PLCE1: variants seen among roughly 807,000 people sequenced by gnomAD.
The protein encoded by PLCE1 is 1-phosphatidylinositol 4,5-bisphosphate phosphodiesterase epsilon-1.
A neutral mutation model predicts 242.8 loss-of-function variants in PLCE1; 119 were observed. The observed-to-expected ratio is 0.49, with a 90% CI of 0.42 to 0.57. The LOEUF (loss-of-function observed/expected upper bound fraction) is 0.57. PLCE1 is among the 20% of genes least tolerant of loss of function. PLCE1 has a pLI of 0.00. For synonymous variants in PLCE1, 945 were observed against 1,017.4 expected (o/e 0.93, Z 1.35); for missense variants, 2,441 against 2,788.8 (o/e 0.88, Z 2.81).
At chr10:94,096,570 T>A (rs2045319849) in intron 2 of PLCE1, 1 of 152,126 alleles carries the variant, frequency 6.6e-6, no homozygotes, top group Non-Finnish European at 1.5e-5. Context: ...CCCCCGTGAT[T>A]CAATTACCTC....
chr10:94,105,387 A>G (rs2045690286), intron 2 of PLCE1: 1 of 152,232 alleles, frequency 6.6e-6, no homozygotes, highest in East Asian at 1.9e-4. Context: ...ATCTCAGACC[A>G]GAGATATCTC....
chr10:94,144,744 A>C (rs1016400761), intron 3 of PLCE1, among the ~76,000 whole-genome samples: 7 of 152,178 alleles, frequency 4.6e-5, no homozygotes, highest in African/African-American at 1.7e-4. Context: ...GAGTATGCCA[A>C]GTTTGAAGTC....
chr10:94,181,107 A>T (rs1006683023), intron 4 of PLCE1, among the ~76,000 whole-genome samples: 3 of 152,204 alleles, frequency 2.0e-5, no homozygotes, highest in Non-Finnish European at 4.4e-5. Context: ...GCACGCATGC[A>T]CTCATTCTTC....
At position 94,030,821 on chromosome 10, in the gene PLCE1, C is replaced by T. The variant is rs1377135682; in HGVS notation, c.-226C>T. 5 of 557,232 alleles carry T rather than the reference C, an allele frequency of 9.0e-6. No individual in the cohort carries two copies. Among genetic ancestry groups the T allele is most frequent in the Non-Finnish European group, 1.6e-5 (5 of 316,372 alleles). The allele number at this position is 557,232 out of a possible 1,614,324, so 34.5% of individuals were successfully genotyped here. A position where few individuals can be genotyped will look rare whatever the true frequency, so the allele number is the denominator to read the frequency against. ...AGAGGAAGGAAAATTGATCTACCAC[C>T]TTAAAACCCTGATCTAGAAAAAATA... On this transcript the variant is annotated 5_prime_UTR_variant, in exon 2 of 33. Coordinates refer to ENST00000371380, the MANE Select transcript of PLCE1 (RefSeq NM_016341.4).
chr10:94,232,737 C>G (rs1305776829), intron 5 of PLCE1, among the ~76,000 whole-genome samples: 1 of 152,204 alleles, frequency 6.6e-6, no homozygotes, highest in African/African-American at 2.4e-5. Context: ...CAAGACAGCT[C>G]AAGCCCCACC....
At chr10:94,283,517 T>G (rs939343793) in intron 20 of PLCE1, 3 of 354,652 alleles carry the variant, frequency 8.5e-6, no homozygotes, top group African/African-American at 6.4e-5. Context: ...TCATTTAGAT[T>G]ATGTCTATAT....
chr10:94,132,390 A>G lies in PLCE1; in HGVS notation c.1423A>G (p.Thr475Ala). 6.2e-7 allele frequency: 1 copy of G among 1,614,174 alleles called. No homozygotes were observed. The highest frequency in any genetic ancestry group is 8.5e-7 in the Non-Finnish European group (1 of 1,180,018). ...CACCGGTTCTCTCCTAGAAGCAACC[A>G]CGTCTTTGGGAGCAAGAAGTGGCCT... Reference protein sequence around the residue: ...YITGSLLEATTSLGARSGLLS... With the variant: ...YITGSLLEATASLGARSGLLS... The change falls in exon 3 of 33, where the codon ACG becomes GCG. Residue 475 changes from threonine (T) to alanine (A), a missense_variant. By Grantham distance (58) the Thr-to-Ala change is moderately conservative. This residue lies in a region of PLCE1 where 733 missense variants were observed against 754.2 expected (regional missense o/e 0.97). Coordinates refer to ENST00000371380, the MANE Select transcript of PLCE1 (RefSeq NM_016341.4).
intron 28 of PLCE1, among the ~76,000 whole-genome samples, chr10:94,314,064 T>TC (rs2053483722): frequency 6.6e-6 from 1 of 151,910 alleles, no homozygotes; most frequent in African/African-American, 2.4e-5. Context: ...CCGCCCTAGA[T>TC]CCCCCTCCGA....
intron 2 of PLCE1, among the ~76,000 whole-genome samples, chr10:94,068,391 T>C (rs933496975): frequency 1.5e-5 from 2 of 133,764 alleles, no homozygotes; most frequent in African/African-American, 7.2e-5. Flanking sequence ...GGGGGAAAAA[T>C]AACAATTCAA....
At chr10:94,242,377 C>T (rs982577983) in intron 7 of PLCE1, among the ~76,000 whole-genome samples, 20 of 152,002 alleles carry the variant, frequency 1.3e-4, no homozygotes, top group African/African-American at 4.8e-4. Flanking sequence ...AATGCCAGCT[C>T]ACTGCTCACT....
intron 1 of PLCE1, among the ~76,000 whole-genome samples, chr10:94,011,790 T>A (rs1248313593): frequency 1.1e-4 from 16 of 152,144 alleles, no homozygotes; most frequent in Admixed American, 9.8e-4. Context: ...GTGCATGGGA[T>A]TGAGGCAGCT....
At chr10:94,250,952 G>T (rs1446173895) in intron 8 of PLCE1, among the ~76,000 whole-genome samples, 1 of 152,134 alleles carries the variant, frequency 6.6e-6, no homozygotes, top group African/African-American at 2.4e-5. Context: ...CTCTTCAGCA[G>T]GCCTCCAGCA....
At chr10:94,203,671 C>A (rs2049050492) in intron 4 of PLCE1, among the ~76,000 whole-genome samples, 1 of 152,144 alleles carries the variant, frequency 6.6e-6, no homozygotes, top group Admixed American at 6.6e-5. Context: ...GGAGTTGAGC[C>A]TACATAAGCA....
intron 1 of PLCE1, among the ~76,000 whole-genome samples, chr10:94,006,204 AT>A (rs1454342683): frequency 2.0e-5 from 3 of 152,260 alleles, no homozygotes; most frequent in Non-Finnish European, 4.4e-5. Context: ...GGACATAGTC[AT>A]AGCACTTACT....
chr10:94,176,034 A>T (rs1259706902), intron 4 of PLCE1, among the ~76,000 whole-genome samples: 1 of 152,162 alleles, frequency 6.6e-6, no homozygotes, highest in Non-Finnish European at 1.5e-5. Context: ...GGGAGTGCAG[A>T]TATCTCTTCA....
intron 2 of PLCE1, among the ~76,000 whole-genome samples, chr10:94,092,165 A>C (rs2045102089): frequency 6.6e-6 from 1 of 152,234 alleles, no homozygotes; most frequent in Non-Finnish European, 1.5e-5. Context: ...AAACCTCAAG[A>C]ATCTTGTCAA....
chr10:94,229,145 C>T (rs568124998), intron 5 of PLCE1, among the ~76,000 whole-genome samples: 2 of 151,406 alleles, frequency 1.3e-5, no homozygotes, highest in South Asian at 2.1e-4. Context: ...CATGCCATTG[C>T]GCTCCAGCCT....
chr10:94,192,995 G>T (rs928883293), intron 4 of PLCE1, among the ~76,000 whole-genome samples: 3 of 152,158 alleles, frequency 2.0e-5, no homozygotes, highest in Non-Finnish European at 4.4e-5. Context: ...TTTTATTATA[G>T]CACAGCTATG....
Position 94,331,396 on chromosome 10 carries a change from C to T in PLCE1, c.*3453C>T, listed in dbSNP as rs941715863. ...CTTCTGTCCTCTGCCCAGAGACCCA[C>T]AGGCCTTGCTTAATTCTGGAAAGTT... On this transcript the variant is annotated 3_prime_UTR_variant, in exon 33 of 33. Transcript: ENST00000371380. 5.9e-5 allele frequency: 9 copies of T among 152,214 alleles called. No individual in the cohort carries two copies. The highest frequency in any genetic ancestry group is 1.9e-4 in the African/African-American group (8 of 41,418). The allele number at this position is 152,214 out of a possible 1,614,324, so 9.4% of individuals were successfully genotyped here. A position where few individuals can be genotyped will look rare whatever the true frequency, so the allele number is the denominator to read the frequency against.
Sources: allele counts gnomAD v4.1 joint callset (sites outside exome capture counted in the v4.1 genomes callset), GRCh38; gene constraint gnomAD v4.1.1; regional missense constraint gnomAD v4.1.1; transcripts MANE v1.5; gene names NCBI Gene and HGNC (gene_info 2026-07-23, HGNC 2026-07-21).